The following CCDC18 variants were observed in gnomAD, a reference collection of about 807,000 sequenced individuals.
CCDC18 encodes the protein coiled-coil domain containing 18, also known as coiled-coil domain-containing protein 18.
A neutral mutation model predicts 196.0 loss-of-function variants in CCDC18; 157 were observed. The observed-to-expected ratio is 0.80, with a 90% CI of 0.70 to 0.91. The LOEUF is 0.91. Ranked by LOEUF, CCDC18 falls within the 40% of genes least tolerant of loss-of-function variation. The pLI is 0.00. For missense variants in CCDC18, 1,465 were observed against 1,611.6 expected (o/e 0.91, Z 1.56); for synonymous variants, 482 against 529.2 (o/e 0.91, Z 1.22).
In CCDC18 at chr1:93,200,340, A is replaced by C. The variant is rs541703400; in HGVS notation, c.699-1552A>C. ...AAGACTATAGGAGATTATTTAAAAAAAAAAAAAAAGCGAGAACAGGCTGGA... is the reference window on the plus strand; with the variant it reads ...AAGACTATAGGAGATTATTTAAAAACAAAAAAAAAGCGAGAACAGGCTGGA... On this transcript the variant is annotated intron_variant, in intron 6 of 28. Transcript: ENST00000690025. Among the ~76,000 whole-genome samples the C allele has an allele frequency of 5.5e-3, 832 of 151,764 alleles. 4 individuals carry two copies. Among genetic ancestry groups the C allele is most frequent in the Non-Finnish European group, 8.6e-3 (581 of 67,868 alleles).
intron 4 of CCDC18, chr1:93,190,676 CTTT>C (rs199651874): frequency 5.7e-4 from 175 of 306,164 alleles, no homozygotes; most frequent in East Asian, 9.5e-4. Flanking sequence ...TTTTCTTTCC[CTTT>C]TTTTTTTTTT....
At chr1:93,198,099 G>T (rs1653103539) in intron 6 of CCDC18, among the ~76,000 whole-genome samples, 1 of 152,082 alleles carries the variant, frequency 6.6e-6, no homozygotes, top group Non-Finnish European at 1.5e-5. Flanking sequence ...AACCACTTTG[G>T]AAAACTGTTT....
chr1:93,269,909 G>A (rs1665069523), intron 27 of CCDC18, among the ~76,000 whole-genome samples: 1 of 152,086 alleles, frequency 6.6e-6, no homozygotes, highest in Non-Finnish European at 1.5e-5. Context: ...CTTGTAATGA[G>A]AACACAAAAA....
chr1:93,214,953 A>C lies in CCDC18; in HGVS notation c.1706A>C (p.Lys569Thr). 1 of 1,597,510 alleles carries C rather than the reference A, an allele frequency of 6.3e-7. No individual in the cohort carries two copies. The highest frequency in any genetic ancestry group is 1.1e-5 in the South Asian group (1 of 89,070). ...CTAGAGAAAGCTTCAAACTCCAGCA[A>C]ACTGGAAAGTGAAGTAAGCTTGGAA... The part of the protein sequence containing the change: ...ELLEKASNSS[K>T]LESEMTKKCS... Residue 569 changes from lysine (K) to threonine (T), a missense_variant, in exon 12 of 29, where the codon AAA becomes ACA. Transcript: ENST00000690025.
At chr1:93,275,981 TG>T (rs1371564757) in intron 28 of CCDC18, among the ~76,000 whole-genome samples, 1 of 152,246 alleles carries the variant, frequency 6.6e-6, no homozygotes, top group African/African-American at 2.4e-5. Flanking sequence ...ACCAGCTACC[TG>T]GGTCTGGATA....
chr1:93,180,744 G>A lies in CCDC18; in HGVS notation c.-111G>A. On this transcript the variant is annotated 5_prime_UTR_variant, in exon 1 of 29. Transcript: ENST00000690025. ...GCGGCGGTTCGAATTCTGTGCTGCC[G>A]GGGTTCGCTGGTTCTCCGAGTTGTG... The A allele has an allele frequency of 7.3e-7, 1 of 1,366,894 alleles. No homozygotes were observed. Among genetic ancestry groups the A allele is most frequent in the Non-Finnish European group, 9.8e-7 (1 of 1,021,564 alleles). The allele number at this position is 1,366,894 out of a possible 1,614,324, so 84.7% of individuals were successfully genotyped here.
chr1:93,247,207 G>A (rs12044557), intron 23 of CCDC18, among the ~76,000 whole-genome samples: 28,265 of 151,672 alleles, frequency 0.19, 2,898 homozygotes, highest in East Asian at 0.31. Flanking sequence ...GATTACAGGC[G>A]TGAGCGACCA....
intron 13 of CCDC18, among the ~76,000 whole-genome samples, 189 bp downstream of exon 13, chr1:93,216,935 CT>C (rs397980840): frequency 7.1e-4 from 94 of 132,736 alleles, no homozygotes; most frequent in Admixed American, 7.6e-4. Flanking sequence ...CAAGTTTTCT[CT>C]TTTTTTTTTT....
At chr1:93,181,226 C>T (rs1301063912) in intron 1 of CCDC18, among the ~76,000 whole-genome samples, 1 of 131,568 alleles carries the variant, frequency 7.6e-6, no homozygotes, top group Non-Finnish European at 1.6e-5. Flanking sequence ...TTCTTTCAGA[C>T]GGATGTAAGA....
chr1:93,247,006 CTG>C (rs1661576323), intron 23 of CCDC18, 52 bp downstream of exon 23: 1 of 805,446 alleles, frequency 1.2e-6, no homozygotes, highest in Non-Finnish European at 2.0e-6. Context: ...AAAATTCAAA[CTG>C]TAACTAAAAA....
intron 27 of CCDC18, among the ~76,000 whole-genome samples, chr1:93,267,302 A>G (rs972585044): frequency 3.3e-5 from 5 of 152,224 alleles, no homozygotes; most frequent in African/African-American, 1.2e-4. Flanking sequence ...CAAAATAATA[A>G]GAGCTATTTA....
chr1:93,203,918 T>C (rs1187704758), intron 7 of CCDC18, among the ~76,000 whole-genome samples: 1 of 152,040 alleles, frequency 6.6e-6, no homozygotes, highest in East Asian at 1.9e-4. Flanking sequence ...GGATACTTTG[T>C]AGAGAGCAAC....
chr1:93,215,056 C>A, intron 12 of CCDC18, 90 bp downstream of exon 12: 1 of 783,186 alleles, frequency 1.3e-6, no homozygotes, highest in Non-Finnish European at 1.9e-6. Context: ...TATATGTTTA[C>A]ATCCAGATTT....
chr1:93,190,623 G>A (rs1389660292), intron 4 of CCDC18: 1 of 263,336 alleles, frequency 3.8e-6, no homozygotes, highest in African/African-American at 2.2e-5. Context: ...TTCTTTTGTA[G>A]GGAAACACCT....
chr1:93,180,979 G>C (rs1216730189), intron 1 of CCDC18, 127 bp downstream of exon 1: 10 of 927,574 alleles, frequency 1.1e-5, no homozygotes, highest in Non-Finnish European at 1.5e-5. Flanking sequence ...ACTGGTCCTC[G>C]TGGTTGCTGA....
At chr1:93,266,564 AAAAG>A (rs1664546088) in intron 27 of CCDC18, among the ~76,000 whole-genome samples, 1 of 152,198 alleles carries the variant, frequency 6.6e-6, no homozygotes, top group African/African-American at 2.4e-5. Flanking sequence ...AATAAAGAAG[AAAAG>A]AGAGAAGAAT....
chr1:93,272,131 A>G (rs1318974290), intron 28 of CCDC18, among the ~76,000 whole-genome samples: 1 of 152,232 alleles, frequency 6.6e-6, no homozygotes, highest in East Asian at 1.9e-4. Context: ...TAGATCCAAG[A>G]CAAAGAAAAA....
At chr1:93,271,879 C>T (rs373205723) in intron 28 of CCDC18, among the ~76,000 whole-genome samples, 1 of 152,158 alleles carries the variant, frequency 6.6e-6, no homozygotes, top group African/African-American at 2.4e-5. Context: ...GATATTTTCT[C>T]TTCTCTTGAC....
chr1:93,263,330 T>TAAC (rs1664072796), intron 26 of CCDC18, among the ~76,000 whole-genome samples: 1 of 152,192 alleles, frequency 6.6e-6, no homozygotes, highest in Non-Finnish European at 1.5e-5. Flanking sequence ...AATTTTTTTT[T>TAAC]AACTTTTATG....
Sources: allele counts gnomAD v4.1 joint callset (sites outside exome capture counted in the v4.1 genomes callset), GRCh38; gene constraint gnomAD v4.1.1; transcripts MANE v1.5; gene names NCBI Gene and HGNC (gene_info 2026-07-23, HGNC 2026-07-21).